Variants in CD247 observed in about 807,000 individuals in gnomAD.
CD247 encodes the protein CD247 molecule.
In CD247, 13 loss-of-function variants were observed where a neutral mutation model predicts 30.0. The observed-to-expected ratio is 0.43, with a 90% CI of 0.28 to 0.69. CD247 has a LOEUF of 0.69. CD247 is among the 30% of genes least tolerant of loss of function. The pLI, the probability that CD247 is intolerant of heterozygous loss-of-function variation, is 0.16. For missense variants in CD247, 193 were observed against 212.6 expected (o/e 0.91, Z 0.57); for synonymous variants, 72 against 80.0 (o/e 0.90, Z 0.53).
chr1:167,452,510 C>T (rs1652402879), intron 1 of CD247, among the ~76,000 whole-genome samples: 1 of 151,960 alleles, frequency 6.6e-6, no homozygotes, highest in Non-Finnish European at 1.5e-5. Flanking sequence ...TGGCCACCTA[C>T]AAGCCAAGGA....
intron 1 of CD247, among the ~76,000 whole-genome samples, chr1:167,482,465 T>C (rs1052919587): frequency 2.0e-5 from 3 of 152,188 alleles, no homozygotes; most frequent in Admixed American, 1.3e-4. Flanking sequence ...ACGTCTTTCC[T>C]CTCTGGGTGT....
At position 167,450,699 on chromosome 1, in the gene CD247, G is replaced by A. The variant is rs149550613; in HGVS notation, c.59-9932C>T. Among the ~76,000 whole-genome samples, 477 of 152,182 alleles carry A rather than the reference G, an allele frequency of 3.1e-3. 3 individuals are homozygous for A. Among genetic ancestry groups the A allele is most frequent in the African/African-American group, 0.011 (455 of 41,534 alleles). Reference sequence around the variant, plus strand: ...GAAGGCCGAGGCAGGCAGATCACTAGGTCAGGAGCTCGAGACCAGTCTAGC... The same window carrying A: ...GAAGGCCGAGGCAGGCAGATCACTAAGTCAGGAGCTCGAGACCAGTCTAGC... On this transcript the variant is annotated intron_variant, in intron 1 of 7. Transcript: ENST00000362089.
chr1:167,432,979 G>C (rs372349405), intron 7 of CD247, 45 bp downstream of exon 7: 87 of 1,607,944 alleles, frequency 5.4e-5, no homozygotes, highest in Non-Finnish European at 4.0e-5. Flanking sequence ...CTTGCCCCTT[G>C]TCAGGTGGTG....
At chr1:167,495,167 A>C (rs776689739) in intron 1 of CD247, among the ~76,000 whole-genome samples, 1 of 152,234 alleles carries the variant, frequency 6.6e-6, no homozygotes, top group African/African-American at 2.4e-5. Context: ...GGAGTGAGAC[A>C]GTCCTGGGTT....
At position 167,494,155 on chromosome 1, in the gene CD247, A is replaced by G. The variant is rs1460088917; in HGVS notation, c.58+24253T>C. Among the ~76,000 whole-genome samples, 1 of 151,942 alleles carries G rather than the reference A, an allele frequency of 6.6e-6. No individual in the cohort carries two copies. The highest frequency in any genetic ancestry group is 2.4e-5 in the African/African-American group (1 of 41,332). On this transcript the variant is annotated intron_variant, in intron 1 of 7. Coordinates refer to ENST00000362089, the MANE Select transcript of CD247 (RefSeq NM_198053.3). The surrounding 1 kb of genome is among the most constrained non-coding windows in gnomAD (Gnocchi z 7.3). ...CAGGGGGACAGAACTGAGTCAGGAG[A>G]CACTTTAGACGATGGAGGGTTGGGG...
intron 1 of CD247, among the ~76,000 whole-genome samples, chr1:167,452,390 G>A (rs1031632232): frequency 2.0e-5 from 3 of 151,358 alleles, no homozygotes; most frequent in African/African-American, 7.3e-5. Context: ...CTCCAGCCTG[G>A]GCGAGGGAGC....
chr1:167,466,934 G>A (rs1272013587), intron 1 of CD247, among the ~76,000 whole-genome samples: 1 of 151,932 alleles, frequency 6.6e-6, no homozygotes. Flanking sequence ...CTGCCTCCCA[G>A]GTTCACGCCA....
At chr1:167,490,619 G>A (rs918772187) in intron 1 of CD247, among the ~76,000 whole-genome samples, 4 of 146,218 alleles carry the variant, frequency 2.7e-5, no homozygotes, top group Non-Finnish European at 4.5e-5. Context: ...GCGAGTCTCC[G>A]TCTCAAAAAA....
chr1:167,452,634 G>A (rs1406258366), intron 1 of CD247, among the ~76,000 whole-genome samples: 1 of 152,134 alleles, frequency 6.6e-6, no homozygotes, highest in East Asian at 1.9e-4. Flanking sequence ...TCCCAGCCGA[G>A]CAGAGAGGTG....
chr1:167,498,601 C>A (rs1269535640), intron 1 of CD247, among the ~76,000 whole-genome samples: 2 of 152,174 alleles, frequency 1.3e-5, no homozygotes, highest in African/African-American at 4.8e-5. Context: ...TCCATCTGGG[C>A]CCATTACACA....
chr1:167,432,189 G>C (rs1651304295), intron 7 of CD247, among the ~76,000 whole-genome samples: 1 of 152,226 alleles, frequency 6.6e-6, no homozygotes, highest in South Asian at 2.1e-4. Context: ...ACAGGGAGAA[G>C]AGGGGCTCCT....
At chr1:167,490,020 C>T (rs1046146358) in intron 1 of CD247, among the ~76,000 whole-genome samples, 22 of 152,070 alleles carry the variant, frequency 1.4e-4, no homozygotes, top group African/African-American at 5.1e-4. Context: ...CCCACCACCC[C>T]ACCCCTTTTT....
At chr1:167,449,156 T>TC (rs1553229976) in intron 1 of CD247, among the ~76,000 whole-genome samples, 5 of 113,584 alleles carry the variant, frequency 4.4e-5, no homozygotes, top group East Asian at 2.4e-4. Context: ...TTTCTTTTTT[T>TC]TTTTTTTTTT....
intron 1 of CD247, among the ~76,000 whole-genome samples, chr1:167,468,517 C>T (rs1219530772): frequency 6.6e-6 from 1 of 152,180 alleles, no homozygotes; most frequent in Non-Finnish European, 1.5e-5. Flanking sequence ...GAGAGACCAT[C>T]AATCAGTTTA....
At chr1:167,493,467 G>A (rs1419002088) in intron 1 of CD247, among the ~76,000 whole-genome samples, 1 of 152,148 alleles carries the variant, frequency 6.6e-6, no homozygotes, top group African/African-American at 2.4e-5. Flanking sequence ...ACTTAGCTGA[G>A]TACTGTCTCT....
intron 1 of CD247, among the ~76,000 whole-genome samples, chr1:167,445,046 C>T (rs999479437): frequency 1.2e-4 from 18 of 152,050 alleles, no homozygotes; most frequent in Non-Finnish European, 2.4e-4. Context: ...CTGCCTCAGC[C>T]TCCCAAGTGG....
chr1:167,461,827 G>A (rs1378096045), intron 1 of CD247, among the ~76,000 whole-genome samples: 1 of 106,696 alleles, frequency 9.4e-6, no homozygotes, highest in Admixed American at 1.1e-4. Context: ...CAGCCTGGGC[G>A]ACAGGCTCAA....
intron 1 of CD247, among the ~76,000 whole-genome samples, chr1:167,490,165 G>C (rs973310309): frequency 2.6e-5 from 4 of 152,304 alleles, no homozygotes; most frequent in African/African-American, 7.2e-5. Context: ...CGGAAAGATC[G>C]GGTGCATTTG....
intron 1 of CD247, among the ~76,000 whole-genome samples, chr1:167,483,755 G>A (rs1024677180): frequency 1.3e-5 from 2 of 152,218 alleles, no homozygotes; most frequent in South Asian, 2.1e-4. Context: ...CAGTGATGAC[G>A]ATGACAATAA....
Sources: allele counts gnomAD v4.1 joint callset (sites outside exome capture counted in the v4.1 genomes callset), GRCh38; gene constraint gnomAD v4.1.1; non-coding constraint Gnocchi (gnomAD v3.1); transcripts MANE v1.5; gene names NCBI Gene and HGNC (gene_info 2026-07-23, HGNC 2026-07-21).